ATP8B4: variants seen among roughly 807,000 people sequenced by gnomAD.
ATP8B4 encodes the protein probable phospholipid-transporting ATPase IM.
ATP8B4 carries 133 observed loss-of-function variants against 145.6 expected under a neutral mutation model. That is an observed-to-expected ratio of 0.91 (90% CI 0.79 to 1.05). The LOEUF is 1.05. Ranked by LOEUF, ATP8B4 falls within the 50% of genes least tolerant of loss-of-function variation. The pLI, the probability that ATP8B4 is intolerant of heterozygous loss-of-function variation, is 0.00. For synonymous variants in ATP8B4, 507 were observed against 492.9 expected (o/e 1.03, Z -0.38); for missense variants, 1,458 against 1,425.2 (o/e 1.02, Z -0.37).
At chr15:49,983,532 C>T (rs917492445) in intron 10 of ATP8B4, among the ~76,000 whole-genome samples, 4 of 152,154 alleles carry the variant, frequency 2.6e-5, no homozygotes, top group African/African-American at 9.7e-5. Flanking sequence ...CTGTGAAAAC[C>T]TAGAAACTTT....
At chr15:50,076,480 GACTCCATCTCAAA>G (rs2054181060) in intron 2 of ATP8B4, among the ~76,000 whole-genome samples, 1 of 150,466 alleles carries the variant, frequency 6.6e-6, no homozygotes. Flanking sequence ...GACAGAGCAA[GACTCCATCTCAAA>G]AAAAAAAGAA....
rs888614734 is a variant in ATP8B4, at chr15:50,047,408, T to C, written c.144A>G (p.Leu48=). The C allele has an allele frequency of 3.7e-6, 6 of 1,601,116 alleles. No homozygotes were observed. Among genetic ancestry groups the C allele is most frequent in the Non-Finnish European group, 5.1e-6 (6 of 1,168,322 alleles). ...TTGCCACTCTTTGGAACTGTTCAAA[T>C]AAATTAATTGGCAAGAAGGTGAGAA... ...YNILTFLPIN[L]FEQFQRVANA... is the part of the protein sequence containing the mutation. Residue 48 remains leucine, a synonymous_variant, in exon 4 of 28, where the codon TTA becomes TTG. Coordinates refer to ENST00000284509, the MANE Select transcript of ATP8B4 (RefSeq NM_024837.4).
At chr15:49,921,655 G>A (rs1466937423) in intron 17 of ATP8B4, among the ~76,000 whole-genome samples, 1 of 152,036 alleles carries the variant, frequency 6.6e-6, no homozygotes, top group Non-Finnish European at 1.5e-5. Flanking sequence ...TTTGGCGTAT[G>A]GTACACATAG....
At chr15:50,016,163 G>T (rs1271367467) in intron 6 of ATP8B4, among the ~76,000 whole-genome samples, 1 of 152,116 alleles carries the variant, frequency 6.6e-6, no homozygotes, top group African/African-American at 2.4e-5. Context: ...TGAACAATAA[G>T]CCTGCTGAAT....
At chr15:50,158,079 T>G (rs1381197862) in intron 1 of ATP8B4, among the ~76,000 whole-genome samples, 11 of 152,232 alleles carry the variant, frequency 7.2e-5, no homozygotes, top group African/African-American at 2.6e-4. Context: ...CAGGCTGGAG[T>G]GCAGTGGCGT....
At chr15:50,024,663 G>A (rs969007746) in intron 6 of ATP8B4, among the ~76,000 whole-genome samples, 5 of 152,294 alleles carry the variant, frequency 3.3e-5, no homozygotes, top group African/African-American at 1.2e-4. Flanking sequence ...TTCTCCACTG[G>A]GTGTCTAGGG....
At chr15:49,872,528 A>G (rs2033819484) in intron 25 of ATP8B4, among the ~76,000 whole-genome samples, 1 of 152,222 alleles carries the variant, frequency 6.6e-6, no homozygotes, top group Non-Finnish European at 1.5e-5. Flanking sequence ...CATCACCTGT[A>G]TAAATCATGT....
At chr15:49,965,204 C>T (rs2044417469) in intron 13 of ATP8B4, among the ~76,000 whole-genome samples, 1 of 152,102 alleles carries the variant, frequency 6.6e-6, no homozygotes, top group South Asian at 2.1e-4. Context: ...AACCATAATG[C>T]CCATGGGTTA....
chr15:49,867,876 G>C (rs1009629865), intron 25 of ATP8B4, among the ~76,000 whole-genome samples: 3 of 152,056 alleles, frequency 2.0e-5, no homozygotes, highest in Admixed American at 2.0e-4. Flanking sequence ...TCAATGAATA[G>C]AACTAAATTA....
At chr15:50,069,141 C>T (rs947005561) in intron 3 of ATP8B4, among the ~76,000 whole-genome samples, 1 of 152,188 alleles carries the variant, frequency 6.6e-6, no homozygotes, top group Non-Finnish European at 1.5e-5. Context: ...GCACTTGGCT[C>T]ACTTTCCCTC....
At position 50,044,026 on chromosome 15, in the gene ATP8B4, T is replaced by C. The variant is rs530094460; in HGVS notation, c.300+568A>G. ...ACATACAAAATATGTGTTAATCAAC[T>C]GTTTATGTTATTGGTAAGGCTTCTG... is the stretch of plus-strand genomic sequence containing the variant. On this transcript the variant is annotated intron_variant, in intron 5 of 27. Transcript: ENST00000284509. Among the ~76,000 whole-genome samples, 16 of 152,004 alleles carry C rather than the reference T, an allele frequency of 1.1e-4. No homozygotes were observed. In the East Asian group the frequency reaches 2.5e-3, roughly 24 times the overall value.
At chr15:49,878,430 A>G (rs1054781447) in intron 24 of ATP8B4, among the ~76,000 whole-genome samples, 3 of 152,236 alleles carry the variant, frequency 2.0e-5, no homozygotes, top group Non-Finnish European at 2.9e-5. Context: ...GTGAAGATTT[A>G]TATTTTGCAA....
intron 2 of ATP8B4, among the ~76,000 whole-genome samples, chr15:50,079,625 T>C (rs936409918): frequency 1.3e-5 from 2 of 152,148 alleles, no homozygotes; most frequent in Non-Finnish European, 2.9e-5. Context: ...ATAAAGAACA[T>C]AAAATAAGGT....
intron 1 of ATP8B4, among the ~76,000 whole-genome samples, chr15:50,112,674 T>C (rs1038483617): frequency 6.6e-6 from 1 of 151,990 alleles, no homozygotes; most frequent in African/African-American, 2.4e-5. Flanking sequence ...AGACTCAATC[T>C]CCACATCTGT....
At chr15:49,908,389 C>T (rs561414464) in intron 20 of ATP8B4, among the ~76,000 whole-genome samples, 2 of 152,136 alleles carry the variant, frequency 1.3e-5, no homozygotes, top group Non-Finnish European at 2.9e-5. Flanking sequence ...AGAGAAGTGA[C>T]AGGAAACACC....
chr15:50,084,390 A>G (rs8040030), intron 2 of ATP8B4, among the ~76,000 whole-genome samples: 89,855 of 151,930 alleles, frequency 0.59, 26,639 homozygotes, highest in East Asian at 0.7. Flanking sequence ...AAAGGTGGTA[A>G]ATGCTCAGAA....
chr15:50,068,552 C>T (rs776653268), intron 3 of ATP8B4, among the ~76,000 whole-genome samples: 2 of 152,148 alleles, frequency 1.3e-5, no homozygotes, highest in Non-Finnish European at 2.9e-5. Flanking sequence ...CTATGCACTT[C>T]CTAAATGGGA....
intron 3 of ATP8B4, among the ~76,000 whole-genome samples, chr15:50,055,429 C>T (rs1194085074): frequency 6.6e-6 from 1 of 152,162 alleles, no homozygotes; most frequent in African/African-American, 2.4e-5. Flanking sequence ...TTAAAGAATG[C>T]ATCCCAGAAG....
At chr15:50,068,877 T>G (rs192563025) in intron 3 of ATP8B4, among the ~76,000 whole-genome samples, 58 of 152,310 alleles carry the variant, frequency 3.8e-4, no homozygotes, top group African/African-American at 1.4e-3. Context: ...TAGCTATAAT[T>G]AAGCTAACAC....
Sources: gnomAD v4.1 joint callset for allele counts (sites outside exome capture counted in the v4.1 genomes callset) on GRCh38, gnomAD v4.1.1 for gene constraint, MANE v1.5 for transcripts, NCBI Gene and HGNC (gene_info 2026-07-23, HGNC 2026-07-21) for gene names.